SLC12A8: variants seen among roughly 807,000 people sequenced by gnomAD.
SLC12A8 encodes the protein solute carrier family 12 member 8, also known as cation-chloride cotransporter 9.
A neutral mutation model predicts 75.6 loss-of-function variants in SLC12A8; 69 were observed. The observed-to-expected ratio is 0.91, with a 90% CI of 0.75 to 1.11. The LOEUF is 1.11. SLC12A8 is among the 50% of genes most tolerant of loss of function. The pLI, the probability that SLC12A8 is intolerant of heterozygous loss-of-function variation, is 0.00. For synonymous variants in SLC12A8, 365 were observed against 372.8 expected (o/e 0.98, Z 0.24); for missense variants, 877 against 896.7 (o/e 0.98, Z 0.28).
At chr3:125,114,527 C>T (rs1268019615) in intron 8 of SLC12A8, among the ~76,000 whole-genome samples, 3 of 152,162 alleles carry the variant, frequency 2.0e-5, no homozygotes, top group Non-Finnish European at 2.9e-5. Flanking sequence ...TGGGTTCTAG[C>T]GATTCTCTTG....
intron 5 of SLC12A8, among the ~76,000 whole-genome samples, chr3:125,156,546 G>A (rs764514404): frequency 2.0e-5 from 3 of 152,216 alleles, no homozygotes; most frequent in Non-Finnish European, 4.4e-5. Context: ...TTTTGTTTGT[G>A]TTTAACAAGT....
chr3:125,192,574 G>A (rs1328129861), intron 2 of SLC12A8: 1 of 154,392 alleles, frequency 6.5e-6, no homozygotes, highest in Non-Finnish European at 1.5e-5. Flanking sequence ...GTTTGCATAT[G>A]CGTTTGTTTA....
At chr3:125,089,688 C>CTT (rs752856308) in intron 12 of SLC12A8, among the ~76,000 whole-genome samples, 5 of 37,274 alleles carry the variant, frequency 1.3e-4, no homozygotes, top group Non-Finnish European at 9.9e-5. Context: ...ACCTTTTTCT[C>CTT]TTTTTTTTTT....
At chr3:125,086,118 G>A (rs985317605) in intron 13 of SLC12A8, among the ~76,000 whole-genome samples, 3 of 152,102 alleles carry the variant, frequency 2.0e-5, no homozygotes, top group Non-Finnish European at 4.4e-5. Flanking sequence ...CTGACCTCAG[G>A]TGATCTACCC....
chr3:125,130,829 T>C (rs1933337218), intron 6 of SLC12A8, among the ~76,000 whole-genome samples: 2 of 152,046 alleles, frequency 1.3e-5, no homozygotes, highest in African/African-American at 4.8e-5. Context: ...AAGCCAGCCG[T>C]GGGAGCAGAG....
At chr3:125,194,918 T>C (rs986419946) in intron 2 of SLC12A8, among the ~76,000 whole-genome samples, 6 of 152,372 alleles carry the variant, frequency 3.9e-5, no homozygotes, top group African/African-American at 1.4e-4. Context: ...AGGAGCCTCA[T>C]TCCTTTCCCC....
intron 5 of SLC12A8, among the ~76,000 whole-genome samples, chr3:125,150,000 A>G (rs780039739): frequency 3.3e-5 from 5 of 152,224 alleles, no homozygotes; most frequent in Admixed American, 2.6e-4. Context: ...TTCCCCCTTC[A>G]GGTCAAGAAT....
At chr3:125,097,936 C>T (rs1270487360) in intron 10 of SLC12A8, among the ~76,000 whole-genome samples, 3 of 151,984 alleles carry the variant, frequency 2.0e-5, no homozygotes, top group Non-Finnish European at 2.9e-5. Flanking sequence ...AAGCATGCAT[C>T]GTGCATGTTA....
intron 5 of SLC12A8, among the ~76,000 whole-genome samples, chr3:125,141,784 C>G (rs1214551465): frequency 2.6e-5 from 4 of 152,102 alleles, no homozygotes; most frequent in Admixed American, 2.6e-4. Context: ...ACCAGCCAGA[C>G]AGCCCTTTCC....
intron 10 of SLC12A8, among the ~76,000 whole-genome samples, chr3:125,102,900 G>C (rs963438690): frequency 1.3e-5 from 2 of 152,210 alleles, no homozygotes; most frequent in Non-Finnish European, 2.9e-5. Flanking sequence ...GGTGCTGGCA[G>C]GGAGCAGCCC....
chr3:125,181,621 A>AAAAG (rs1553795134), intron 4 of SLC12A8, among the ~76,000 whole-genome samples: 341 of 147,464 alleles, frequency 2.3e-3, no homozygotes, highest in Middle Eastern at 3.5e-3. Flanking sequence ...AAAAAAAAAA[A>AAAAG]AAAAAAGAAA....
chr3:125,177,766 C>A lies in SLC12A8; in HGVS notation c.599G>T (p.Gly200Val). The A allele has an allele frequency of 6.2e-7, 1 of 1,614,124 alleles. No homozygotes were observed. The highest frequency in any genetic ancestry group is 8.5e-7 in the Non-Finnish European group (1 of 1,180,008). The change falls in exon 5 of 14, where the codon GGT becomes GTT. Residue 200 changes from glycine to valine, a missense_variant. Transcript: ENST00000469902. ...LAVSTLDFVV[G>V]SFTHLDPEHG... ...ACCTGGGTCCAGGTGGGTGAAAGAA[C>A]CCACCACAAAGTCCAGTGTGGACAC...
At chr3:125,186,847 C>A (rs908584258) in intron 4 of SLC12A8, among the ~76,000 whole-genome samples, 10 of 152,242 alleles carry the variant, frequency 6.6e-5, no homozygotes, top group Admixed American at 6.5e-4. Context: ...AGCCCTTTGG[C>A]ACAGGCAAAA....
At chr3:125,124,894 C>T (rs1033853055) in intron 6 of SLC12A8, among the ~76,000 whole-genome samples, 2 of 152,096 alleles carry the variant, frequency 1.3e-5, no homozygotes, top group Non-Finnish European at 2.9e-5. Context: ...TTAGGGTTGG[C>T]GTAATAGAAC....
chr3:125,195,183 T>G (rs750495958), intron 2 of SLC12A8, among the ~76,000 whole-genome samples: 15 of 152,276 alleles, frequency 9.9e-5, no homozygotes, highest in Non-Finnish European at 1.6e-4. Flanking sequence ...TTGACTGCAT[T>G]TGCTGCTTTC....
chr3:125,177,596 G>A lies in SLC12A8; in HGVS notation c.622+147C>T, dbSNP rs961037702. 2.3e-5 allele frequency: 15 copies of A among 640,132 alleles called. No individual in the cohort carries two copies. In the South Asian group the frequency reaches 2.9e-4, roughly 12 times the overall value. The allele number at this position is 640,132 out of a possible 1,614,324, so 39.7% of individuals were successfully genotyped here. ...CATGAAGCTGCTCCAAGACACACCT[G>A]CTCACCTGATCCAGGAACAGCTCAC... is the stretch of plus-strand genomic sequence containing the variant. On this transcript the variant is annotated intron_variant, in intron 5 of 13. Transcript: ENST00000469902.
At chr3:125,205,538 G>T (rs1935211512) in intron 2 of SLC12A8, among the ~76,000 whole-genome samples, 1 of 152,124 alleles carries the variant, frequency 6.6e-6, no homozygotes, top group African/African-American at 2.4e-5. Context: ...GTGGAAAGGG[G>T]GAAAGACAGA....
intron 8 of SLC12A8, among the ~76,000 whole-genome samples, chr3:125,114,380 T>C (rs755518582): frequency 3.9e-4 from 60 of 152,224 alleles, no homozygotes; most frequent in Admixed American, 9.8e-4. Flanking sequence ...CCATGACTAT[T>C]AAATCCAGGA....
At chr3:125,190,632 T>A (rs1430700211) in intron 2 of SLC12A8, 111 bp from the exon 3 acceptor site, 8 of 1,254,898 alleles carry the variant, frequency 6.4e-6, no homozygotes, top group Non-Finnish European at 9.1e-6. Flanking sequence ...AAAACAGTCC[T>A]GTCTTATTGT....
Sources: allele counts gnomAD v4.1 joint callset (sites outside exome capture counted in the v4.1 genomes callset), GRCh38; gene constraint gnomAD v4.1.1; transcripts MANE v1.5; gene names NCBI Gene and HGNC (gene_info 2026-07-23, HGNC 2026-07-21).